WDR47: variants seen among roughly 807,000 people sequenced by gnomAD.
WDR47 encodes the protein WD repeat-containing protein 47.
WDR47 carries 32 observed loss-of-function variants against 97.2 expected under a neutral mutation model. That is an observed-to-expected ratio of 0.33 (90% CI 0.25 to 0.44). WDR47 has a LOEUF of 0.44. Ranked by LOEUF, WDR47 falls within the 20% of genes least tolerant of loss-of-function variation. The pLI is 1.00. For synonymous variants in WDR47, 375 were observed against 373.5 expected, an observed-to-expected ratio of 1.00 and a Z score of -0.05; for missense variants, 782 against 1,102.3, an observed-to-expected ratio of 0.71 and a Z score of 4.11.
chr1:108,974,391 A>G, intron 14 of WDR47, 145 bp downstream of exon 14: 2 of 655,918 alleles, frequency 3.0e-6, no homozygotes, highest in Non-Finnish European at 5.1e-6. Context: ...GCTATTATAT[A>G]TCTTAATATA....
intron 1 of WDR47, among the ~76,000 whole-genome samples, chr1:109,027,103 C>G (rs1662265977): frequency 1.3e-5 from 2 of 151,992 alleles, no homozygotes; most frequent in African/African-American, 4.8e-5. Flanking sequence ...GTTGCCCGGG[C>G]TGGAGTGCAG....
chr1:109,025,398 T>C (rs1411200715), intron 1 of WDR47, among the ~76,000 whole-genome samples: 3 of 137,464 alleles, frequency 2.2e-5, no homozygotes, highest in Non-Finnish European at 4.5e-5. Flanking sequence ...ACCACTGCAC[T>C]CCAGCCTGGG....
Position 108,995,803 on chromosome 1 carries a change from T to C in WDR47, c.1468A>G (p.Met490Val). The C allele has an allele frequency of 6.2e-7, 1 of 1,614,138 alleles. No individual in the cohort carries two copies. The highest frequency in any genetic ancestry group is 8.5e-7 in the Non-Finnish European group (1 of 1,179,998). Residue 490 changes from methionine to valine, a missense_variant, in exon 8 of 15, where the codon ATG (methionine) becomes GTG (valine). By Grantham distance (21) the Met-to-Val change is conservative. Coordinates refer to ENST00000369962, the MANE Select transcript of WDR47 (RefSeq NM_001142551.2). ...GATACCTCATTACCAAGGCCATCCA[T>C]TCCAATATTTAATTCACCAAGCTTT... ...IQKLGELNIG[M>V]DGLGNEVSAL...
At chr1:108,978,290 A>G (rs897386447) in intron 13 of WDR47, among the ~76,000 whole-genome samples, 5 of 151,984 alleles carry the variant, frequency 3.3e-5, no homozygotes, top group African/African-American at 4.8e-5. Context: ...CCTGGCTAAC[A>G]TGGTGAAACC....
At chr1:109,029,303 T>C (rs1381662649) in intron 1 of WDR47, among the ~76,000 whole-genome samples, 5 of 152,090 alleles carry the variant, frequency 3.3e-5, no homozygotes, top group Non-Finnish European at 7.4e-5. Context: ...GGCAGGTGGA[T>C]CACGAGGTCA....
At chr1:109,033,812 A>G (rs112536364) in intron 1 of WDR47, among the ~76,000 whole-genome samples, 3 of 152,248 alleles carry the variant, frequency 2.0e-5, no homozygotes, top group African/African-American at 7.2e-5. Context: ...CCAGCTACTC[A>G]GGAGGCTGAG....
In WDR47 at chr1:109,010,940, C is replaced by T. The variant is rs772920922; in HGVS notation, c.1106G>A (p.Ser369Asn). The T allele has an allele frequency of 2.5e-6, 4 of 1,613,090 alleles. No individual in the cohort carries two copies. In the East Asian group the frequency reaches 6.7e-5, roughly 27 times the overall value. Reference protein sequence around the residue: ...SLMLENTECHSIYEESPERDT... With the variant: ...SLMLENTECHNIYEESPERDT... ...CCGCTCAGGGGATTCTTCGTAAATA[C>T]TGTGACATTCTGTATTCTCAAGCAT... The change falls in exon 5 of 15, where the codon AGT (serine) becomes AAT (asparagine). Residue 369 changes from serine (S) to asparagine (N), a missense_variant. Coordinates refer to ENST00000369962, the MANE Select transcript of WDR47 (RefSeq NM_001142551.2).
chr1:108,974,253 A>T (rs190472227), intron 14 of WDR47, among the ~76,000 whole-genome samples: 85 of 151,946 alleles, frequency 5.6e-4, no homozygotes, highest in Admixed American at 4.3e-3. Context: ...ACTTTGGGAG[A>T]CGAAGGCGGA....
intron 5 of WDR47, among the ~76,000 whole-genome samples, chr1:109,008,557 C>T (rs1405020309): frequency 2.6e-5 from 4 of 151,578 alleles, no homozygotes; most frequent in Non-Finnish European, 4.4e-5. Context: ...GCCATCGCGC[C>T]GGGCCTCATC....
At chr1:109,017,423 G>C in intron 3 of WDR47, 95 bp downstream of exon 3, 1 of 1,025,480 alleles carries the variant, frequency 9.8e-7, no homozygotes. Flanking sequence ...TTCAAGGCCA[G>C]TGGAGAAAGA....
At position 108,970,284 on chromosome 1, in the gene WDR47, A is replaced by G. The variant is rs1483329276; in HGVS notation, c.*1146T>C. ...CTTCTAATACCCTTTCCACTTGTAT[A>G]CAACAGATGAAAAATGCTTGCTACA... On this transcript the variant is annotated 3_prime_UTR_variant, in exon 15 of 15. Coordinates refer to ENST00000369962, the MANE Select transcript of WDR47 (RefSeq NM_001142551.2). 6.5e-6 allele frequency: 1 copy of G among 152,672 alleles called. No individual in the cohort carries two copies. The highest frequency in any genetic ancestry group is 2.4e-5 in the African/African-American group (1 of 41,472). 9.5% of individuals were successfully genotyped at this position (152,672 alleles called of 1,614,324 possible).
chr1:108,995,944 T>A (rs1281353714), intron 7 of WDR47, 107 bp from the exon 8 acceptor site: 2 of 1,129,724 alleles, frequency 1.8e-6, no homozygotes, highest in South Asian at 3.2e-5. Flanking sequence ...ATATAATATA[T>A]AATCTATGGC....
At chr1:109,001,637 T>A (rs904340872) in intron 7 of WDR47, among the ~76,000 whole-genome samples, 3 of 152,042 alleles carry the variant, frequency 2.0e-5, no homozygotes, top group Non-Finnish European at 4.4e-5. Context: ...TGCCTGTAAT[T>A]CCTGCACTTT....
chr1:109,004,178 T>G (rs1571198806), intron 6 of WDR47, among the ~76,000 whole-genome samples: 2 of 148,868 alleles, frequency 1.3e-5, no homozygotes, highest in African/African-American at 2.5e-5. Context: ...GGCAGGAGAG[T>G]GGCACAAACC....
intron 10 of WDR47, among the ~76,000 whole-genome samples, chr1:108,985,336 T>C (rs1658702139): frequency 6.6e-6 from 1 of 152,208 alleles, no homozygotes; most frequent in Non-Finnish European, 1.5e-5. Flanking sequence ...GTTCCCTCTA[T>C]ATTATTCTCT....
chr1:109,035,190 G>A (rs1305999362), intron 1 of WDR47, among the ~76,000 whole-genome samples: 1 of 148,788 alleles, frequency 6.7e-6, no homozygotes, highest in African/African-American at 2.5e-5. Flanking sequence ...AGGCTGCAGT[G>A]AGCCAACATT....
At chr1:108,988,706 C>T (rs1363747875) in intron 9 of WDR47, among the ~76,000 whole-genome samples, 1 of 151,970 alleles carries the variant, frequency 6.6e-6, no homozygotes, top group African/African-American at 2.4e-5. Context: ...AATAAACAAA[C>T]ATCCCTTTAA....
At chr1:108,980,508 C>G (rs954984958) in intron 13 of WDR47, among the ~76,000 whole-genome samples, 1 of 152,052 alleles carries the variant, frequency 6.6e-6, no homozygotes. Context: ...GCAGGTAGAT[C>G]ACCTGAGGTC....
rs753401193 is a variant in WDR47 at position 109,042,065 on chromosome 1, G to C, written c.-213C>G. 1.3e-5 allele frequency: 2 copies of C among 152,428 alleles called. No homozygotes were observed. The highest frequency in any genetic ancestry group is 1.5e-5 in the Non-Finnish European group (1 of 68,254). The allele number at this position is 152,428 out of a possible 1,614,324, so 9.4% of individuals were successfully genotyped here. On this transcript the variant is annotated 5_prime_UTR_variant, in exon 1 of 15. Coordinates refer to ENST00000369962, the MANE Select transcript of WDR47 (RefSeq NM_001142551.2). Reference sequence around the variant, plus strand: ...CGTCCTTCTCACGTCCGCCCCTCCCGGCCCAGCGACTCCTCAGCTCAGCCT... The same window carrying C: ...CGTCCTTCTCACGTCCGCCCCTCCCCGCCCAGCGACTCCTCAGCTCAGCCT...
Sources: allele counts gnomAD v4.1 joint callset (sites outside exome capture counted in the v4.1 genomes callset), GRCh38; gene constraint gnomAD v4.1.1; transcripts MANE v1.5; gene names NCBI Gene and HGNC (gene_info 2026-07-23, HGNC 2026-07-21).